The following ZBTB20 variants were observed in gnomAD, a reference collection of about 807,000 sequenced individuals.
ZBTB20 encodes zinc finger and BTB domain containing 20.
Under a neutral mutation model 56.9 loss-of-function variants are expected in ZBTB20, and 9 were observed. The ratio of observed to expected loss-of-function variants is 0.16; its 90% confidence interval spans 0.10 to 0.28. The LOEUF (loss-of-function observed/expected upper bound fraction) is 0.28, where lower values mean the gene tolerates loss of function less well. Ranked by LOEUF, ZBTB20 falls within the 10% of genes least tolerant of loss-of-function variation. ZBTB20 has a pLI of 1.00. For missense variants in ZBTB20, 655 were observed against 1,003.0 expected (o/e 0.65, Z 4.69); for synonymous variants, 417 against 420.7 (o/e 0.99, Z 0.11).
chr3:114,722,191 T>C (rs1457042310), intron 5 of ZBTB20, among the ~76,000 whole-genome samples: 1 of 152,218 alleles, frequency 6.6e-6, no homozygotes, highest in East Asian at 1.9e-4. Context: ...GTTCATATCC[T>C]GGCTCAGGGC....
intron 3 of ZBTB20, among the ~76,000 whole-genome samples, chr3:114,933,067 T>G (rs1490566453): frequency 6.6e-6 from 1 of 152,040 alleles, no homozygotes; most frequent in African/African-American, 2.4e-5. Flanking sequence ...TTCTATACAT[T>G]GCACTGAGGC....
intron 3 of ZBTB20, among the ~76,000 whole-genome samples, chr3:114,973,157 T>TA (rs2077957314): frequency 6.6e-6 from 1 of 152,150 alleles, no homozygotes; most frequent in Non-Finnish European, 1.5e-5. Context: ...GGTAATGAAA[T>TA]ATGAGGTTTA....
intron 1 of ZBTB20, among the ~76,000 whole-genome samples, chr3:115,113,341 T>C (rs966068374): frequency 6.6e-6 from 1 of 152,204 alleles, no homozygotes; most frequent in African/African-American, 2.4e-5. Flanking sequence ...AATTGATGGG[T>C]GAATTCCTCT....
At chr3:114,645,361 T>C (rs910582407) in intron 6 of ZBTB20, among the ~76,000 whole-genome samples, 14 of 152,196 alleles carry the variant, frequency 9.2e-5, no homozygotes, top group Admixed American at 7.2e-4. Flanking sequence ...TGAATATCAC[T>C]GAAAGCATTA....
chr3:114,502,630 T>A (rs2044134086), intron 6 of ZBTB20, among the ~76,000 whole-genome samples: 1 of 152,222 alleles, frequency 6.6e-6, no homozygotes, highest in Non-Finnish European at 1.5e-5. Flanking sequence ...GAAATATATA[T>A]ATAACACTGA....
intron 5 of ZBTB20, among the ~76,000 whole-genome samples, chr3:114,784,232 A>G (rs997512512): frequency 6.6e-6 from 1 of 152,204 alleles, no homozygotes. Flanking sequence ...AAGAGGACTA[A>G]CAGAGTAAAA....
rs869141975 is a variant in ZBTB20 at position 114,883,916 on chromosome 3, CTTTTT to C, written c.-417+16383_-417+16387del. Among the ~76,000 whole-genome samples, 23 of 89,830 alleles carry C rather than the reference CTTTTT, an allele frequency of 2.6e-4. 4 individuals are homozygous for C. The highest frequency in any genetic ancestry group is 1.2e-3 in the East Asian group (3 of 2,552). The allele number at this position is 89,830 out of a possible 152,430, so 58.9% of individuals were successfully genotyped here. On this transcript the variant is annotated intron_variant, in intron 4 of 11. Transcript: ENST00000675478. ...GTATAACTGGTAAGAATGGTGTGTT[CTTTTT>C]TTTTTTTTTTTTTTTTTTTTTTGAG...
chr3:115,078,117 A>G (rs898142743), intron 1 of ZBTB20, among the ~76,000 whole-genome samples: 5 of 152,220 alleles, frequency 3.3e-5, no homozygotes, highest in Admixed American at 6.5e-5. Context: ...TCCAAAGTCC[A>G]TGCACATAAC....
chr3:114,759,662 C>G (rs1523269), intron 5 of ZBTB20, among the ~76,000 whole-genome samples: 5,215 of 152,016 alleles, frequency 0.034, 144 homozygotes, highest in African/African-American at 0.07. Flanking sequence ...TCTTATCCTG[C>G]TATGTGATAC....
intron 3 of ZBTB20, among the ~76,000 whole-genome samples, chr3:114,966,198 T>C (rs1358483878): frequency 6.6e-6 from 1 of 152,144 alleles, no homozygotes; most frequent in Non-Finnish European, 1.5e-5. Context: ...AACGGTATAC[T>C]GATTTCCTTT....
intron 6 of ZBTB20, among the ~76,000 whole-genome samples, chr3:114,516,195 T>G (rs890355732): frequency 6.6e-6 from 1 of 152,172 alleles, no homozygotes; most frequent in African/African-American, 2.4e-5. Context: ...GTTGGAGGCC[T>G]GTAAAATGAA....
chr3:114,588,949 C>T (rs538327316), intron 6 of ZBTB20, among the ~76,000 whole-genome samples: 7 of 152,242 alleles, frequency 4.6e-5, no homozygotes, highest in South Asian at 2.1e-4. Flanking sequence ...ACCTCTTCAC[C>T]GGGCAACAGG....
intron 4 of ZBTB20, among the ~76,000 whole-genome samples, chr3:114,893,511 G>C (rs1000144474): frequency 6.6e-6 from 1 of 152,132 alleles, no homozygotes; most frequent in Non-Finnish European, 1.5e-5. Context: ...ACTTATGTAA[G>C]GTACACAATG....
intron 1 of ZBTB20, among the ~76,000 whole-genome samples, chr3:115,097,261 C>A (rs1055783414): frequency 1.3e-5 from 2 of 152,204 alleles, no homozygotes; most frequent in Non-Finnish European, 2.9e-5. Flanking sequence ...TCACTACAAC[C>A]TCCACCTCCC....
At chr3:115,094,711 G>C (rs1004944883) in intron 1 of ZBTB20, among the ~76,000 whole-genome samples, 6 of 148,822 alleles carry the variant, frequency 4.0e-5, no homozygotes, top group African/African-American at 1.2e-4. Context: ...TTTTTGAAAA[G>C]GTAAAAATGG....
chr3:114,915,309 T>C (rs2075701621), intron 3 of ZBTB20, among the ~76,000 whole-genome samples: 1 of 151,990 alleles, frequency 6.6e-6, no homozygotes, highest in Non-Finnish European at 1.5e-5. Flanking sequence ...GTTGTATATG[T>C]CTAGGAATTT....
intron 4 of ZBTB20, among the ~76,000 whole-genome samples, chr3:114,839,556 C>A (rs1278353508): frequency 6.6e-6 from 1 of 152,122 alleles, no homozygotes; most frequent in Non-Finnish European, 1.5e-5. Context: ...AAAACAATTT[C>A]TGCAATATCC....
At chr3:114,523,672 A>G (rs2046893773) in intron 6 of ZBTB20, among the ~76,000 whole-genome samples, 1 of 152,190 alleles carries the variant, frequency 6.6e-6, no homozygotes, top group Non-Finnish European at 1.5e-5. Context: ...GGCAAAATAC[A>G]TGGGTACAGA....
At chr3:114,811,129 TA>T (rs2072487603) in intron 4 of ZBTB20, among the ~76,000 whole-genome samples, 2 of 152,238 alleles carry the variant, frequency 1.3e-5, no homozygotes, top group African/African-American at 4.8e-5. Context: ...ATATGTCATT[TA>T]GACTTAATCT....
Sources: allele counts gnomAD v4.1 joint callset (sites outside exome capture counted in the v4.1 genomes callset), GRCh38; gene constraint gnomAD v4.1.1; transcripts MANE v1.5; gene names NCBI Gene and HGNC (gene_info 2026-07-23, HGNC 2026-07-21).